DVL3: variants seen among roughly 807,000 people sequenced by gnomAD.
DVL3 encodes dishevelled segment polarity protein 3.
A neutral mutation model predicts 67.4 loss-of-function variants in DVL3; 27 were observed. The observed-to-expected ratio is 0.40, with a 90% confidence interval of 0.30 to 0.55. The LOEUF (loss-of-function observed/expected upper bound fraction) is 0.55. Among genes scored for constraint, DVL3 ranks in the 20% least tolerant of loss-of-function variants. The probability of loss-of-function intolerance (pLI) is 0.46; values close to 1 mark genes in which losing one functional copy is unlikely to be tolerated. For missense variants in DVL3, 819 were observed against 1,021.5 expected, an observed-to-expected ratio of 0.80 and a Z score of 2.70; for synonymous variants, 369 against 396.8, an observed-to-expected ratio of 0.93 and a Z score of 0.83.
In DVL3 at chr3:184,170,452, G is replaced by A. The variant is rs1714781544; in HGVS notation, c.1848G>A (p.Pro616=). ...CCACACGCAGCAGCCTGCGGGGGCC[G>A]CGGGAGCGGGCGCCCAGCGAGCGCT... ...DHTTRSSLRG[P]RERAPSERSG... is the part of the protein sequence containing the mutation. The change falls in exon 15 of 15, where the codon CCG becomes CCA. Residue 616 remains proline (P), a synonymous_variant. Transcript: ENST00000313143. The surrounding 1 kb of genome is among the most constrained non-coding windows in gnomAD (Gnocchi z 6.5). 6.3e-7 allele frequency: 1 copy of A among 1,581,938 alleles called. No individual in the cohort carries two copies. The highest frequency in any genetic ancestry group is 8.6e-7 in the Non-Finnish European group (1 of 1,165,184).
intron 1 of DVL3, among the ~76,000 whole-genome samples, chr3:184,157,640 TTA>T (rs1238640136): frequency 6.6e-6 from 1 of 152,276 alleles, no homozygotes; most frequent in Non-Finnish European, 1.5e-5. Flanking sequence ...ACTTTTCTGT[TTA>T]TATTTCTTTC....
At position 184,164,462 on chromosome 3, in the gene DVL3, C is replaced by T. The variant is rs1014702318; in HGVS notation, c.354-30C>T. The T allele has an allele frequency of 1.3e-6, 2 of 1,597,716 alleles. No homozygotes were observed. Among genetic ancestry groups the T allele is most frequent in the South Asian group, 2.2e-5 (2 of 89,544 alleles). On this transcript the variant is annotated intron_variant, in intron 3 of 14. Coordinates refer to ENST00000313143, the MANE Select transcript of DVL3 (RefSeq NM_004423.4). This position sits in a 1 kb window ranked among gnomAD's most constrained non-coding sequence, Gnocchi z 5.3. ...CTGGGGGAGGGAGCCCCCAGCCTGC[C>T]CCCTCCCCCATCAAGTCTCTTCCCT...
Position 184,164,439 on chromosome 3 carries a change from G to C in DVL3, c.353+51G>C, listed in dbSNP as rs1172509988. On this transcript the variant is annotated intron_variant, in intron 3 of 14. Transcript: ENST00000313143. This position sits in a 1 kb window ranked among gnomAD's most constrained non-coding sequence, Gnocchi z 5.3. Reference sequence around the variant, plus strand: ...GGCCGCATCAGTTCAGCCCAGGGCTGGGGGAGGGAGCCCCCAGCCTGCCCC... The same window carrying C: ...GGCCGCATCAGTTCAGCCCAGGGCTCGGGGAGGGAGCCCCCAGCCTGCCCC... 1 of 1,600,876 alleles carries C rather than the reference G, an allele frequency of 6.2e-7. No individual in the cohort carries two copies. Among genetic ancestry groups the C allele is most frequent in the Non-Finnish European group, 8.5e-7 (1 of 1,173,644 alleles).
intron 1 of DVL3, among the ~76,000 whole-genome samples, chr3:184,158,441 G>A (rs544981594): frequency 1.8e-4 from 28 of 152,238 alleles, no homozygotes; most frequent in Non-Finnish European, 8.8e-5. Context: ...CAGGAATCTG[G>A]ATCCAAAAAT....
chr3:184,165,342 G>A lies in DVL3; in HGVS notation c.694-80G>A. On this transcript the variant is annotated intron_variant, in intron 6 of 14. Transcript: ENST00000313143. This position sits in a 1 kb window ranked among gnomAD's most constrained non-coding sequence, Gnocchi z 4.1. ...ACCTTGGGGCTGGGGGCTGCACCGG[G>A]GACTCACCTTGAGGAGGAGTCAGGT... The A allele has an allele frequency of 1.3e-6, 2 of 1,552,486 alleles. No individual in the cohort carries two copies. The highest frequency in any genetic ancestry group is 1.8e-6 in the Non-Finnish European group (2 of 1,129,226).
At chr3:184,156,444 C>T (rs984640524) in intron 1 of DVL3, 6 of 456,612 alleles carry the variant, frequency 1.3e-5, no homozygotes, top group Non-Finnish European at 2.6e-5. Flanking sequence ...CCTCACTGAC[C>T]CAGGTGCTGA....
At position 184,166,717 on chromosome 3, in the gene DVL3, C is replaced by T; in HGVS notation, c.1048+44C>T. On this transcript the variant is annotated intron_variant, in intron 10 of 14. Coordinates refer to ENST00000313143, the MANE Select transcript of DVL3 (RefSeq NM_004423.4). This position sits in a 1 kb window ranked among gnomAD's most constrained non-coding sequence, Gnocchi z 6.7. ...CAGTCCTAAAGCTGGTGCTTACATA[C>T]ATGAGCACTGTCTCTCCTTTCTTCT... 6.2e-7 allele frequency: 1 copy of T among 1,611,682 alleles called. No homozygotes were observed. The highest frequency in any genetic ancestry group is 8.5e-7 in the Non-Finnish European group (1 of 1,178,412).
At position 184,164,305 on chromosome 3, in the gene DVL3, C is replaced by G. The variant is rs545608557; in HGVS notation, c.270C>G (p.Pro90=). ...AGGGCTCACACCCAGACCCAGCCCC[C>G]TTCTGTGCTGATAACCCATCGGAGC... The part of the protein sequence containing the change: ...SAEGSHPDPA[P]FCADNPSELP... The change falls in exon 3 of 15, where the codon CCC becomes CCG. Residue 90 remains proline, a synonymous_variant. Coordinates refer to ENST00000313143, the MANE Select transcript of DVL3 (RefSeq NM_004423.4). This position sits in a 1 kb window ranked among gnomAD's most constrained non-coding sequence, Gnocchi z 5.3. The G allele has an allele frequency of 1.7e-5, 28 of 1,614,202 alleles. No homozygotes were observed. In the East Asian group the frequency reaches 2.2e-4, roughly 13 times the overall value.
At position 184,166,491 on chromosome 3, in the gene DVL3, C is replaced by T. The variant is rs778117558; in HGVS notation, c.949C>T (p.Arg317Trp). The T allele has an allele frequency of 1.3e-5, 21 of 1,614,010 alleles. No homozygotes were observed. The highest frequency in any genetic ancestry group is 6.7e-5 in the East Asian group (3 of 44,882). The change falls in exon 9 of 15, where the codon CGG becomes TGG. Residue 317 changes from arginine to tryptophan, a missense_variant. Around this residue, in one of 3 missense-constraint regions of DVL3, gnomAD observed 385 missense variants for 486.8 expected, o/e 0.79. Coordinates refer to ENST00000313143, the MANE Select transcript of DVL3 (RefSeq NM_004423.4). This position sits in a 1 kb window ranked among gnomAD's most constrained non-coding sequence, Gnocchi z 6.7. Reference sequence around the variant, plus strand: ...GAACATGAGTAATGACGATGCAGTCCGGGTACTGCGGGAGATTGTGCACAA... The same window carrying T: ...GAACATGAGTAATGACGATGCAGTCTGGGTACTGCGGGAGATTGTGCACAA... ...FENMSNDDAV[R>W]VLREIVHKPG...
At position 184,164,457 on chromosome 3, in the gene DVL3, CCT is replaced by C; in HGVS notation, c.354-34_354-33del. On this transcript the variant is annotated intron_variant, in intron 3 of 14. Transcript: ENST00000313143. This position sits in a 1 kb window ranked among gnomAD's most constrained non-coding sequence, Gnocchi z 5.3. ...CAGGGCTGGGGGAGGGAGCCCCCAG[CCT>C]GCCCCCTCCCCCATCAAGTCTCTTC... 9 of 1,597,472 alleles carry C rather than the reference CCT, an allele frequency of 5.6e-6. No individual in the cohort carries two copies. Among genetic ancestry groups the C allele is most frequent in the Non-Finnish European group, 7.7e-6 (9 of 1,171,406 alleles).
chr3:184,159,822 TG>T (rs1714319528), intron 1 of DVL3, among the ~76,000 whole-genome samples: 1 of 152,248 alleles, frequency 6.6e-6, no homozygotes, highest in Non-Finnish European at 1.5e-5. Context: ...AGGCAGGCTC[TG>T]GGTCTGATGT....
In DVL3 at chr3:184,167,961, G is replaced by C; in HGVS notation, c.1394G>C (p.Arg465Pro). The C allele has an allele frequency of 6.2e-7, 1 of 1,614,266 alleles. No homozygotes were observed. Among genetic ancestry groups the C allele is most frequent in the Non-Finnish European group, 8.5e-7 (1 of 1,180,042 alleles). Residue 465 changes from arginine to proline, a missense_variant, in exon 13 of 15, where the codon CGC becomes CCC. Physicochemically the swap from Arg to Pro is moderately radical, Grantham distance 103 (BLOSUM62 -2). Transcript: ENST00000313143. This position sits in a 1 kb window ranked among gnomAD's most constrained non-coding sequence, Gnocchi z 4.6. ...GGCTTCACGGACCGGAGGGAGGCCC[G>C]CAAGTATGCCAGCAACCTGCTGAAA... ...VEGFTDRREA[R>P]KYASNLLKAG...
At position 184,167,566 on chromosome 3, in the gene DVL3, C is replaced by T; in HGVS notation, c.1199-14C>T. The T allele has an allele frequency of 6.2e-7, 1 of 1,612,168 alleles. No individual in the cohort carries two copies. The highest frequency in any genetic ancestry group is 1.1e-5 in the South Asian group (1 of 91,030). ...AGCCCCTTTCTGCCTCACCATTCTG[C>T]CTCCCACCCCCAGGCCTAGACGACT... On this transcript the variant is annotated splice_polypyrimidine_tract_variant and intron_variant, in intron 11 of 14. Transcript: ENST00000313143. This position sits in a 1 kb window ranked among gnomAD's most constrained non-coding sequence, Gnocchi z 4.6.
rs1714858797 is a variant in DVL3, at chr3:184,171,942, C to G, written c.*1187C>G. ...TCAGGGCTGGTCCCTGCCCAAAGGG[C>G]TGGACCCTCCTAATCCTCTCCTAGG... On this transcript the variant is annotated 3_prime_UTR_variant, in exon 15 of 15. Transcript: ENST00000313143. The G allele has an allele frequency of 6.5e-6, 1 of 152,956 alleles. No individual in the cohort carries two copies. 9.5% of individuals were successfully genotyped at this position (152,956 alleles called of 1,614,324 possible).
chr3:184,165,277 G>A lies in DVL3; in HGVS notation c.693+71G>A. The stretch of plus-strand genomic sequence containing the variant: ...CCCTTCCTACGCAGGGCCAAGGCTT[G>A]TTCTTCCTTAGATCCCATCCCCCTA... On this transcript the variant is annotated intron_variant, in intron 6 of 14. Transcript: ENST00000313143. This position sits in a 1 kb window ranked among gnomAD's most constrained non-coding sequence, Gnocchi z 4.1. The A allele has an allele frequency of 2.6e-6, 4 of 1,546,946 alleles. No individual in the cohort carries two copies. The highest frequency in any genetic ancestry group is 2.7e-5 in the African/African-American group (2 of 73,654).
chr3:184,169,727 G>T (rs978975214), intron 13 of DVL3, among the ~76,000 whole-genome samples: 3 of 152,212 alleles, frequency 2.0e-5, no homozygotes, highest in African/African-American at 7.2e-5. Flanking sequence ...GGCCAGCAGA[G>T]AAAGTGCAAA....
At position 184,166,584 on chromosome 3, in the gene DVL3, A is replaced by C; in HGVS notation, c.981-22A>C. 1 of 1,614,150 alleles carries C rather than the reference A, an allele frequency of 6.2e-7. No homozygotes were observed. On this transcript the variant is annotated intron_variant, in intron 9 of 14. Transcript: ENST00000313143. This position sits in a 1 kb window ranked among gnomAD's most constrained non-coding sequence, Gnocchi z 6.7. Reference sequence around the variant, plus strand: ...TCTGGCCTATACGCATCCTGCCTTCACTAGGACACCCTTGTTTTCAGGCCC... The same window carrying C: ...TCTGGCCTATACGCATCCTGCCTTCCCTAGGACACCCTTGTTTTCAGGCCC...
Position 184,164,204 on chromosome 3 carries a change from T to G in DVL3, c.232-63T>G. 1.9e-6 allele frequency: 3 copies of G among 1,571,030 alleles called. No homozygotes were observed. The highest frequency in any genetic ancestry group is 1.7e-6 in the Non-Finnish European group (2 of 1,154,658). On this transcript the variant is annotated intron_variant, in intron 2 of 14. Coordinates refer to ENST00000313143, the MANE Select transcript of DVL3 (RefSeq NM_004423.4). The surrounding 1 kb of genome is among the most constrained non-coding windows in gnomAD (Gnocchi z 5.3). ...TTAGGCCTTCATGCCTTGCTGGAAG[T>G]GAACTATCCCCTTCTCCTTGATGCT...
Position 184,155,963 on chromosome 3 carries a change from C to T in DVL3, c.161+167C>T, listed in dbSNP as rs115460025. Among the ~76,000 whole-genome samples, 2,551 of 152,304 alleles carry T rather than the reference C, an allele frequency of 0.017. 73 individuals are homozygous for T. Among genetic ancestry groups the T allele is most frequent in the African/African-American group, 0.057 (2,381 of 41,552 alleles). On this transcript the variant is annotated intron_variant, in intron 1 of 14. Coordinates refer to ENST00000313143, the MANE Select transcript of DVL3 (RefSeq NM_004423.4). The surrounding 1 kb of genome is among the most constrained non-coding windows in gnomAD (Gnocchi z 5.4). ...CCTTTGGTTCCAGCCCCAGTAGCAA[C>T]TCCCGTTTACCTCTGAAGAGGGGAC...
Sources: gnomAD v4.1 joint callset for allele counts (sites outside exome capture counted in the v4.1 genomes callset) on GRCh38, gnomAD v4.1.1 for gene constraint, gnomAD v4.1.1 regional missense constraint, Gnocchi (gnomAD v3.1) non-coding constraint, MANE v1.5 for transcripts, NCBI Gene and HGNC (gene_info 2026-07-23, HGNC 2026-07-21) for gene names.